Variants in PGGT1B observed in about 807,000 individuals in gnomAD.
PGGT1B encodes the protein geranylgeranyl transferase type-1 subunit beta.
In PGGT1B, 30 loss-of-function variants were observed where a neutral mutation model predicts 46.1. That is an observed-to-expected ratio of 0.65 (90% CI 0.49 to 0.88). PGGT1B has a LOEUF of 0.88. PGGT1B is among the 40% of genes least tolerant of loss of function. The pLI is 0.00. For missense variants in PGGT1B, 376 were observed against 455.9 expected (o/e 0.82, Z 1.60); for synonymous variants, 170 against 160.0 (o/e 1.06, Z -0.47).
intron 6 of PGGT1B, among the ~76,000 whole-genome samples, chr5:115,223,552 G>A (rs150238067): frequency 6.6e-6 from 1 of 152,146 alleles, no homozygotes; most frequent in Non-Finnish European, 1.5e-5. Flanking sequence ...TTCTCCTCTG[G>A]AGACACTGTT....
At chr5:115,252,675 T>C (rs1748154143) in intron 2 of PGGT1B, among the ~76,000 whole-genome samples, 1 of 152,038 alleles carries the variant, frequency 6.6e-6, no homozygotes. Flanking sequence ...GACTGAAGCA[T>C]ACATAAGAGC....
chr5:115,211,059 T>C lies in PGGT1B; in HGVS notation c.*1343A>G, dbSNP rs1168648451. On this transcript the variant is annotated 3_prime_UTR_variant, in exon 9 of 9. Transcript: ENST00000419445. The stretch of plus-strand genomic sequence containing the variant: ...TTAAAGTATTACAATGCCTAAACAG[T>C]GATACCAGTAATCCAGTTTTTATAC... 4 of 152,058 alleles carry C rather than the reference T, an allele frequency of 2.6e-5. No homozygotes were observed. The East Asian group carries it at 5.8e-4, about 22-fold the overall frequency. The allele number at this position is 152,058 out of a possible 1,614,324, so 9.4% of individuals were successfully genotyped here. A position where few individuals can be genotyped will look rare whatever the true frequency, so the allele number is the denominator to read the frequency against.
At chr5:115,236,314 G>T in intron 5 of PGGT1B, 76 bp downstream of exon 5, 2 of 1,068,628 alleles carry the variant, frequency 1.9e-6, no homozygotes, top group East Asian at 2.8e-5. Flanking sequence ...CGGAAGAGAT[G>T]AGACATACAC....
At chr5:115,212,945 G>A (rs77265257) in intron 8 of PGGT1B, among the ~76,000 whole-genome samples, 1,827 of 152,176 alleles carry the variant, frequency 0.012, 38 homozygotes, top group African/African-American at 0.042. Flanking sequence ...ACATGAAAAC[G>A]AGTAGCTTCA....
At chr5:115,259,562 A>C (rs1004080722) in intron 1 of PGGT1B, among the ~76,000 whole-genome samples, 1 of 151,780 alleles carries the variant, frequency 6.6e-6, no homozygotes, top group Non-Finnish European at 1.5e-5. Context: ...GGTGGCACAC[A>C]CCTGTAGTCC....
At position 115,206,936 on chromosome 5, in the gene PGGT1B, C is replaced by T. The variant is rs1434872765; in HGVS notation, c.*5466G>A. 1 of 151,562 alleles carries T rather than the reference C, an allele frequency of 6.6e-6. No individual in the cohort carries two copies. The highest frequency in any genetic ancestry group is 2.4e-5 in the African/African-American group (1 of 41,308). 9.4% of individuals were successfully genotyped at this position (151,562 alleles called of 1,614,324 possible). ...CAATATAATTTTTATTGGAATGGCA[C>T]TGAATTTATAAATGAACCTAAGTGG... On this transcript the variant is annotated 3_prime_UTR_variant, in exon 9 of 9. Transcript: ENST00000419445.
chr5:115,241,688 C>T (rs1757349553), intron 2 of PGGT1B, 82 bp from the exon 3 acceptor site: 1 of 967,868 alleles, frequency 1.0e-6, no homozygotes, highest in Non-Finnish European at 1.5e-6. Context: ...CACAATCTTT[C>T]AGAAACAGAC....
chr5:115,250,245 T>C (rs527778317), intron 2 of PGGT1B, among the ~76,000 whole-genome samples: 62 of 152,308 alleles, frequency 4.1e-4, no homozygotes, highest in African/African-American at 1.5e-3. Flanking sequence ...TACAGACCTA[T>C]GAGTTGCAGA....
At position 115,206,975 on chromosome 5, in the gene PGGT1B, T is replaced by C. The variant is rs189949498; in HGVS notation, c.*5427A>G. The C allele has an allele frequency of 1.3e-5, 2 of 151,960 alleles. No individual in the cohort carries two copies. The highest frequency in any genetic ancestry group is 1.3e-4 in the Admixed American group (2 of 15,242). The allele number at this position is 151,960 out of a possible 1,614,324, so 9.4% of individuals were successfully genotyped here. On this transcript the variant is annotated 3_prime_UTR_variant, in exon 9 of 9. Transcript: ENST00000419445. ...GAACCTAAGTGGGGAAAGACATGTTTTGATGTTGTCTATCTAAGAATATCA... is the reference window on the plus strand; with the variant it reads ...GAACCTAAGTGGGGAAAGACATGTTCTGATGTTGTCTATCTAAGAATATCA...
At chr5:115,217,050 C>A in intron 7 of PGGT1B, 77 bp from the exon 8 acceptor site, 1 of 706,360 alleles carries the variant, frequency 1.4e-6, no homozygotes. Flanking sequence ...AGATACGTGT[C>A]ATTTAGATAT....
chr5:115,261,471 A>G (rs147419150), intron 1 of PGGT1B, among the ~76,000 whole-genome samples: 10 of 152,356 alleles, frequency 6.6e-5, no homozygotes, highest in African/African-American at 2.4e-4. Context: ...CCACTGGCCA[A>G]TATGGCAACT....
intron 5 of PGGT1B, among the ~76,000 whole-genome samples, chr5:115,232,320 G>A (rs1258240839): frequency 6.6e-6 from 1 of 151,862 alleles, no homozygotes; most frequent in Non-Finnish European, 1.5e-5. Context: ...ACTGCTATGG[G>A]CAAAAAAACT....
At chr5:115,235,341 AT>A (rs1561478201) in intron 5 of PGGT1B, among the ~76,000 whole-genome samples, 1 of 152,090 alleles carries the variant, frequency 6.6e-6, no homozygotes, top group Non-Finnish European at 1.5e-5. Flanking sequence ...ACTGATATTT[AT>A]AGGAAGGATG....
In PGGT1B at chr5:115,207,457, C is replaced by T. The variant is rs1420538465; in HGVS notation, c.*4945G>A. The T allele has an allele frequency of 6.6e-6, 1 of 151,538 alleles. No individual in the cohort carries two copies. Among genetic ancestry groups the T allele is most frequent in the Non-Finnish European group, 1.5e-5 (1 of 67,818 alleles). 9.4% of individuals were successfully genotyped at this position (151,538 alleles called of 1,614,324 possible). On this transcript the variant is annotated 3_prime_UTR_variant, in exon 9 of 9. Coordinates refer to ENST00000419445, the MANE Select transcript of PGGT1B (RefSeq NM_005023.4). ...GTTCCACTCATATAAAATTCAAAAA[C>T]AGACAAAACTAATTGATGGTAATTT... is the stretch of plus-strand genomic sequence containing the variant.
At chr5:115,261,983 G>A (rs931068567) in intron 1 of PGGT1B, among the ~76,000 whole-genome samples, 9 of 152,140 alleles carry the variant, frequency 5.9e-5, no homozygotes, top group African/African-American at 2.2e-4. Flanking sequence ...CTCAGAATTT[G>A]GAAAACGTGG....
intron 6 of PGGT1B, 83 bp from the exon 7 acceptor site, chr5:115,222,091 G>A: frequency 1.4e-6 from 1 of 732,060 alleles, no homozygotes; most frequent in Non-Finnish European, 2.1e-6. Flanking sequence ...GGGAAAAAGT[G>A]GTTATATAAT....
chr5:115,213,912 T>C (rs1037747602), intron 8 of PGGT1B, among the ~76,000 whole-genome samples: 1 of 152,222 alleles, frequency 6.6e-6, no homozygotes, highest in Non-Finnish European at 1.5e-5. Flanking sequence ...TCAATGCCAT[T>C]GTGAAAATGT....
chr5:115,232,152 C>CT (rs1757008323), intron 5 of PGGT1B, among the ~76,000 whole-genome samples: 1 of 152,006 alleles, frequency 6.6e-6, no homozygotes, highest in Non-Finnish European at 1.5e-5. Context: ...TGGGTATGAA[C>CT]TTAAAATTAG....
At chr5:115,224,750 T>C (rs1756711120) in intron 6 of PGGT1B, among the ~76,000 whole-genome samples, 1 of 151,128 alleles carries the variant, frequency 6.6e-6, no homozygotes, top group African/African-American at 2.4e-5. Context: ...GGTGTGCACC[T>C]GTGGTCCTAG....
Sources: allele counts gnomAD v4.1 joint callset (sites outside exome capture counted in the v4.1 genomes callset), GRCh38; gene constraint gnomAD v4.1.1; transcripts MANE v1.5; gene names NCBI Gene and HGNC (gene_info 2026-07-23, HGNC 2026-07-21).